The following CDC25A variants were observed in gnomAD, a reference collection of about 807,000 sequenced individuals.
The protein encoded by CDC25A is cell division cycle 25A.
A neutral mutation model predicts 64.6 loss-of-function variants in CDC25A; 17 were observed. That is an observed-to-expected ratio of 0.26 (90% confidence interval 0.18 to 0.39). The LOEUF (loss-of-function observed/expected upper bound fraction) is 0.39. CDC25A is among the 10% of genes least tolerant of loss of function. The pLI, the probability that CDC25A is intolerant of heterozygous loss-of-function variation, is 1.00. For synonymous variants in CDC25A, 229 were observed against 238.6 expected, an observed-to-expected ratio of 0.96 and a Z score of 0.37; for missense variants, 473 against 654.8, an observed-to-expected ratio of 0.72 and a Z score of 3.03.
intron 9 of CDC25A, among the ~76,000 whole-genome samples, chr3:48,168,360 C>CCCCACA (rs746582615): frequency 4.7e-5 from 5 of 106,538 alleles, no homozygotes; most frequent in Non-Finnish European, 9.2e-5. Flanking sequence ...AAGACCCTGT[C>CCCCACA]CACACACACA....
chr3:48,171,157 A>C (rs1179192816), intron 9 of CDC25A, among the ~76,000 whole-genome samples: 4 of 151,836 alleles, frequency 2.6e-5, no homozygotes, highest in Admixed American at 1.3e-4. Flanking sequence ...ATATCACCTG[A>C]GGTCAGGAGT....
chr3:48,166,719 G>A (rs1304636332), intron 10 of CDC25A, among the ~76,000 whole-genome samples: 1 of 152,154 alleles, frequency 6.6e-6, no homozygotes, highest in African/African-American at 2.4e-5. Context: ...GGCCCATTAA[G>A]ACAAATATAA....
chr3:48,165,735 CTGT>C lies in CDC25A; in HGVS notation c.1093-4_1093-2del. 1 of 1,611,792 alleles carries C rather than the reference CTGT, an allele frequency of 6.2e-7. No individual in the cohort carries two copies. The stretch of plus-strand genomic sequence containing the variant: ...ACTTGCCATTCAAAACAGATGCCAT[CTGT>C]TGAGAGAAAATTAGGGAGAATCAAC... On this transcript the variant is annotated splice_acceptor_variant and splice_polypyrimidine_tract_variant and intron_variant, in intron 11 of 14. Coordinates refer to ENST00000302506, the MANE Select transcript of CDC25A (RefSeq NM_001789.3). LOFTEE classifies it high-confidence loss of function.
In CDC25A at chr3:48,158,787, A is replaced by T; in HGVS notation, c.*158T>A. The stretch of plus-strand genomic sequence containing the variant: ...TAGCCAGCAAGATGCCCTGGGCTCC[A>T]ACCTTGGGAGTGTGGGAGGTAGGTT... On this transcript the variant is annotated 3_prime_UTR_variant, in exon 15 of 15. Coordinates refer to ENST00000302506, the MANE Select transcript of CDC25A (RefSeq NM_001789.3). 1.2e-6 allele frequency: 1 copy of T among 861,318 alleles called. No homozygotes were observed. The highest frequency in any genetic ancestry group is 1.7e-5 in the South Asian group (1 of 60,082). The allele number at this position is 861,318 out of a possible 1,614,324, so 53.4% of individuals were successfully genotyped here. A position where few individuals can be genotyped will look rare whatever the true frequency, so the allele number is the denominator to read the frequency against.
intron 13 of CDC25A, among the ~76,000 whole-genome samples, chr3:48,162,403 C>G (rs2031811652): frequency 6.6e-6 from 1 of 151,824 alleles, no homozygotes; most frequent in African/African-American, 2.4e-5. Context: ...CTCCCACCTC[C>G]TATTTTTTGT....
rs11370901 is a variant in CDC25A, at chr3:48,165,107, C to CAAAAAAAAA, written c.1191+520_1191+528dup. ...CCTGGCGACAGAGCGGACTCTGTCTCAAAAAAAAAAAAAAAAAAAGATTAA... is the reference window on the plus strand; with the variant it reads ...CCTGGCGACAGAGCGGACTCTGTCTCAAAAAAAAAAAAAAAAAAAAAAAAAAAAGATTAA... On this transcript the variant is annotated intron_variant, in intron 12 of 14. Coordinates refer to ENST00000302506, the MANE Select transcript of CDC25A (RefSeq NM_001789.3). Among the ~76,000 whole-genome samples the CAAAAAAAAA allele has an allele frequency of 4.8e-4, 41 of 84,946 alleles. 1 individual carries two copies. The highest frequency in any genetic ancestry group is 1.4e-3 in the African/African-American group (32 of 22,276). 55.7% of individuals were successfully genotyped at this position (84,946 alleles called of 152,430 possible).
chr3:48,174,106 C>A (rs531264553), intron 9 of CDC25A, among the ~76,000 whole-genome samples, 178 bp downstream of exon 9: 1 of 152,200 alleles, frequency 6.6e-6, no homozygotes, highest in Admixed American at 6.5e-5. Context: ...CCAGCGTGGG[C>A]AACATCGCTA....
At position 48,177,256 on chromosome 3, in the gene CDC25A, C is replaced by T. The variant is rs192065702; in HGVS notation, c.756+115G>A. 44 of 801,884 alleles carry T rather than the reference C, an allele frequency of 5.5e-5. 1 individual carries two copies. The African/African-American group carries it at 7.0e-4, about 13-fold the overall frequency. The allele number at this position is 801,884 out of a possible 1,614,324, so 49.7% of individuals were successfully genotyped here. On this transcript the variant is annotated intron_variant, in intron 8 of 14. Coordinates refer to ENST00000302506, the MANE Select transcript of CDC25A (RefSeq NM_001789.3). ...AGGTAGCCAAAGTGAGGCCTAAAAC[C>T]CAGATCCCCAAATCCTATCATGCAT... is the stretch of plus-strand genomic sequence containing the variant.
chr3:48,178,740 C>A (rs1457305174), intron 6 of CDC25A, among the ~76,000 whole-genome samples: 2 of 152,136 alleles, frequency 1.3e-5, no homozygotes, highest in Non-Finnish European at 2.9e-5. Flanking sequence ...ATTAAAATGG[C>A]GGTACCTCAT....
intron 13 of CDC25A, among the ~76,000 whole-genome samples, chr3:48,163,927 A>G (rs1159718476): frequency 6.6e-6 from 1 of 152,222 alleles, no homozygotes. Flanking sequence ...CAGATGACTG[A>G]TGGGCAGCTC....
chr3:48,183,724 C>A (rs1342729708), intron 4 of CDC25A, 76 bp downstream of exon 4: 6 of 892,374 alleles, frequency 6.7e-6, no homozygotes, highest in South Asian at 1.5e-5. Flanking sequence ...TAAATTAAGT[C>A]TCCTATCAAG....
chr3:48,159,220 G>T, intron 14 of CDC25A, 124 bp downstream of exon 14: 1 of 1,284,978 alleles, frequency 7.8e-7, no homozygotes, highest in Middle Eastern at 1.9e-4. Flanking sequence ...GGCTTTCTTT[G>T]GGTTCAGCAG....
intron 8 of CDC25A, among the ~76,000 whole-genome samples, chr3:48,176,531 GTATATATATATATA>G (rs55938075): frequency 2.2e-5 from 3 of 138,106 alleles, no homozygotes; most frequent in Admixed American, 7.4e-5. Context: ...GTGTGTGTGA[GTATATATATATATA>G]TATATATATA....
intron 7 of CDC25A, 85 bp downstream of exon 7, chr3:48,177,769 T>C (rs896062881): frequency 2.1e-5 from 32 of 1,494,624 alleles, no homozygotes; most frequent in Non-Finnish European, 2.6e-5. Context: ...GAACTGCTGT[T>C]GCTGTTCTTT....
In CDC25A at chr3:48,157,658, GAGTT is replaced by G. The variant is rs1056936819; in HGVS notation, c.*1283_*1286del. Reference sequence around the variant, plus strand: ...TTCTTTTGAAATTCCCACTTTTATGGAGTTAGATAAGGGGACAACCGGTGATGAT... The same window carrying G: ...TTCTTTTGAAATTCCCACTTTTATGGAGATAAGGGGACAACCGGTGATGAT... On this transcript the variant is annotated 3_prime_UTR_variant, in exon 15 of 15. Transcript: ENST00000302506. 3.3e-5 allele frequency: 5 copies of G among 152,578 alleles called. No homozygotes were observed. The highest frequency in any genetic ancestry group is 1.2e-4 in the African/African-American group (5 of 41,432). The allele number at this position is 152,578 out of a possible 1,614,324, so 9.5% of individuals were successfully genotyped here. A position where few individuals can be genotyped will look rare whatever the true frequency, so the allele number is the denominator to read the frequency against.
chr3:48,170,653 T>C lies in CDC25A; in HGVS notation c.931-2709A>G, dbSNP rs3731533. ...AAATGATTGATTAAACCATTGGCCATGAGTGATCAACTTGACCTTTAGCCC... is the reference window on the plus strand; with the variant it reads ...AAATGATTGATTAAACCATTGGCCACGAGTGATCAACTTGACCTTTAGCCC... On this transcript the variant is annotated intron_variant, in intron 9 of 14. Transcript: ENST00000302506. Among the ~76,000 whole-genome samples the C allele has an allele frequency of 1.8e-3, 268 of 152,276 alleles. 1 individual carries two copies. Among genetic ancestry groups the C allele is most frequent in the Non-Finnish European group, 3.1e-3 (211 of 68,010 alleles).
intron 13 of CDC25A, among the ~76,000 whole-genome samples, chr3:48,163,297 A>AG (rs946354615): frequency 2.0e-5 from 3 of 149,074 alleles, no homozygotes; most frequent in East Asian, 1.9e-4. Flanking sequence ...AAAAAAAAAA[A>AG]AAAAGAAAGA....
intron 7 of CDC25A, 141 bp from the exon 8 acceptor site, chr3:48,177,583 T>A: frequency 1.4e-6 from 1 of 721,860 alleles, no homozygotes; most frequent in Non-Finnish European, 2.4e-6. Context: ...TATACCGTTC[T>A]GATTTCATGT....
chr3:48,181,417 T>C, intron 5 of CDC25A: 1 of 594,156 alleles, frequency 1.7e-6, no homozygotes, highest in Non-Finnish European at 3.0e-6. Context: ...CACAGGTCCC[T>C]TGCCCTAAAA....
Sources: gnomAD v4.1 joint callset for allele counts (sites outside exome capture counted in the v4.1 genomes callset) on GRCh38, gnomAD v4.1.1 for gene constraint, MANE v1.5 for transcripts, NCBI Gene and HGNC (gene_info 2026-07-23, HGNC 2026-07-21) for gene names.